LIFR: variants seen among roughly 807,000 people sequenced by gnomAD.
The protein encoded by LIFR is leukemia inhibitory factor receptor.
LIFR carries 84 observed loss-of-function variants against 122.2 expected under a neutral mutation model. The ratio of observed to expected loss-of-function variants is 0.69; its 90% confidence interval spans 0.58 to 0.82. The LOEUF (loss-of-function observed/expected upper bound fraction) is 0.82, where lower values mean the gene tolerates loss of function less well. Ranked by LOEUF, LIFR falls within the 40% of genes least tolerant of loss-of-function variation. The pLI is 0.00. For missense variants in LIFR, 1,294 were observed against 1,311.6 expected, an observed-to-expected ratio of 0.99 and a Z score of 0.21; for synonymous variants, 422 against 434.7, an observed-to-expected ratio of 0.97 and a Z score of 0.36.
At chr5:38,568,116 G>A (rs1749088393) in intron 1 of LIFR, among the ~76,000 whole-genome samples, 1 of 152,190 alleles carries the variant, frequency 6.6e-6, no homozygotes, top group Non-Finnish European at 1.5e-5. Flanking sequence ...CAGTGAAGAT[G>A]ATAAAGTTCT....
chr5:38,520,681 A>G (rs923290144), intron 5 of LIFR, among the ~76,000 whole-genome samples: 1 of 152,162 alleles, frequency 6.6e-6, no homozygotes, highest in Admixed American at 6.5e-5. Flanking sequence ...CCATTTATTG[A>G]AGATGATATC....
At chr5:38,602,753 G>A (rs78117716) in intron 2 of LIFR, among the ~76,000 whole-genome samples, 2 of 152,168 alleles carry the variant, frequency 1.3e-5, no homozygotes, top group Admixed American at 6.5e-5. Context: ...GCAGGAAAAG[G>A]ATCTTCTTCC....
intron 5 of LIFR, among the ~76,000 whole-genome samples, chr5:38,520,177 G>C (rs1024890640): frequency 3.3e-5 from 5 of 152,042 alleles, no homozygotes; most frequent in African/African-American, 9.7e-5. Context: ...ATAGAGGTGA[G>C]CTGATTTGAT....
intron 1 of LIFR, among the ~76,000 whole-genome samples, chr5:38,537,218 A>C: frequency 6.6e-6 from 1 of 152,188 alleles, no homozygotes; most frequent in East Asian, 1.9e-4. Flanking sequence ...CTGTGGGCAC[A>C]GCCCTTCGAG....
rs576419456 is a variant in LIFR, at chr5:38,477,978, C to T, written c.*3617G>A. ...ACAAAAAATTTTATTAGATTATATACCTGAGCAATAGAAAACTTCGAGATA... is the reference window on the plus strand; with the variant it reads ...ACAAAAAATTTTATTAGATTATATATCTGAGCAATAGAAAACTTCGAGATA... On this transcript the variant is annotated 3_prime_UTR_variant, in exon 20 of 20. Transcript: ENST00000453190. The T allele has an allele frequency of 9.5e-6, 2 of 211,582 alleles. No individual in the cohort carries two copies. Among genetic ancestry groups the T allele is most frequent in the South Asian group, 1.9e-4 (1 of 5,322 alleles). 13.1% of individuals were successfully genotyped at this position (211,582 alleles called of 1,614,324 possible). A position where few individuals can be genotyped will look rare whatever the true frequency, so the allele number is the denominator to read the frequency against.
intron 15 of LIFR, among the ~76,000 whole-genome samples, chr5:38,489,930 G>A (rs1744484259): frequency 6.9e-6 from 1 of 144,110 alleles, no homozygotes; most frequent in South Asian, 2.2e-4. Context: ...AGGAGGTTGA[G>A]GCTGAAGAGA....
At chr5:38,595,215 G>T (rs1202665607) in intron 1 of LIFR, 1 of 160,858 alleles carries the variant, frequency 6.2e-6, no homozygotes, top group East Asian at 1.5e-4. Flanking sequence ...GGGGACATGG[G>T]ACACAAAGCC....
At chr5:38,585,256 A>G (rs1749709970) in intron 1 of LIFR, among the ~76,000 whole-genome samples, 1 of 152,230 alleles carries the variant, frequency 6.6e-6, no homozygotes, top group African/African-American at 2.4e-5. Context: ...AATTACATCC[A>G]TTTAATTAGC....
rs572954936 is a variant in LIFR at position 38,517,856 on chromosome 5, C to CAAAAAAAAAAAAAAAAAAAAAAAAA, written c.561+5538_561+5562dup. Among the ~76,000 whole-genome samples, 14 of 15,040 alleles carry CAAAAAAAAAAAAAAAAAAAAAAAAA rather than the reference C, an allele frequency of 9.3e-4. 3 individuals carry two copies. Among genetic ancestry groups the CAAAAAAAAAAAAAAAAAAAAAAAAA allele is most frequent in the Non-Finnish European group, 1.0e-3 (10 of 10,038 alleles). 9.9% of individuals were successfully genotyped at this position (15,040 alleles called of 152,430 possible). A position where few individuals can be genotyped will look rare whatever the true frequency, so the allele number is the denominator to read the frequency against. ...TGTGCAACAGAGCAAGACACTGTCT[C>CAAAAAAAAAAAAAAAAAAAAAAAAA]AAAAAAAAAAAAAAAAAAAAAAAAA... On this transcript the variant is annotated intron_variant, in intron 5 of 19. Coordinates refer to ENST00000453190, the MANE Select transcript of LIFR (RefSeq NM_001127671.2).
intron 6 of LIFR, among the ~76,000 whole-genome samples, chr5:38,511,205 CTTACT>C (rs1008014771): frequency 1.3e-5 from 2 of 152,188 alleles, no homozygotes; most frequent in Middle Eastern, 3.2e-3. Context: ...TAAAAAACAA[CTTACT>C]TTAATCTAGT....
intron 1 of LIFR, among the ~76,000 whole-genome samples, chr5:38,540,460 C>T (rs531275152): frequency 1.3e-5 from 2 of 152,306 alleles, no homozygotes; most frequent in South Asian, 2.1e-4. Context: ...AAAATAACTG[C>T]CATCTTACTG....
Position 38,499,590 on chromosome 5 carries a change from A to T in LIFR, c.1601-7T>A. 1 of 1,596,760 alleles carries T rather than the reference A, an allele frequency of 6.3e-7. No individual in the cohort carries two copies. Among genetic ancestry groups the T allele is most frequent in the African/African-American group, 1.3e-5 (1 of 74,694 alleles). On this transcript the variant is annotated splice_polypyrimidine_tract_variant and splice_region_variant and intron_variant, in intron 11 of 19. Transcript: ENST00000453190. ...TCAGGCCCCTTTGAAGGACCTAAAA[A>T]GGAGATTTTAAAGTTAATATCTGAA... is the stretch of plus-strand genomic sequence containing the variant.
intron 14 of LIFR, among the ~76,000 whole-genome samples, chr5:38,493,405 A>T (rs1441005052): frequency 1.3e-5 from 2 of 152,190 alleles, no homozygotes; most frequent in African/African-American, 4.8e-5. Context: ...ATTATTTCTA[A>T]GAATAAATTT....
At chr5:38,518,729 T>C (rs1346283787) in intron 5 of LIFR, among the ~76,000 whole-genome samples, 1 of 152,226 alleles carries the variant, frequency 6.6e-6, no homozygotes, top group Non-Finnish European at 1.5e-5. Context: ...GTACTCCTTC[T>C]ACATGTTTTT....
rs201043509 is a variant in LIFR, at chr5:38,482,693, A to C, written c.2592-26T>G. The C allele has an allele frequency of 3.8e-5, 36 of 956,362 alleles. No homozygotes were observed. In the African/African-American group the frequency reaches 5.3e-4, roughly 14 times the overall value. The allele number at this position is 956,362 out of a possible 1,614,324, so 59.2% of individuals were successfully genotyped here. On this transcript the variant is annotated intron_variant, in intron 18 of 19. Coordinates refer to ENST00000453190, the MANE Select transcript of LIFR (RefSeq NM_001127671.2). ...CTTTAAATAAAAAATTATTACAGTA[A>C]ATTTAATAGTTTTAAGATTATTAGA...
At chr5:38,491,007 A>C (rs1045823670) in intron 14 of LIFR, among the ~76,000 whole-genome samples, 1 of 152,180 alleles carries the variant, frequency 6.6e-6, no homozygotes, top group African/African-American at 2.4e-5. Flanking sequence ...TGGAAAAAGC[A>C]AACAAACCCA....
At position 38,481,873 on chromosome 5, in the gene LIFR, G is replaced by A; in HGVS notation, c.3016C>T (p.His1006Tyr). The change falls in exon 20 of 20, where the codon CAC (histidine) becomes TAC (tyrosine). Residue 1006 changes from histidine (H) to tyrosine (Y), a missense_variant. Coordinates refer to ENST00000453190, the MANE Select transcript of LIFR (RefSeq NM_001127671.2). ...TCCACAGTAGAATTAATGGGGAGGT[G>A]CATCTGTGGCTTATAGCCTGCCCCT... The part of the protein sequence containing the change: ...VGGAGYKPQM[H>Y]LPINSTVEDI... 1.2e-6 allele frequency: 2 copies of A among 1,614,124 alleles called. No individual in the cohort carries two copies. The highest frequency in any genetic ancestry group is 1.1e-5 in the South Asian group (1 of 91,070).
intron 5 of LIFR, among the ~76,000 whole-genome samples, chr5:38,519,276 C>CTG (rs1425145635): frequency 6.6e-6 from 1 of 152,164 alleles, no homozygotes; most frequent in East Asian, 1.9e-4. Context: ...ACTTTTAGTC[C>CTG]TGCAAGCTCC....
intron 1 of LIFR, among the ~76,000 whole-genome samples, chr5:38,567,900 A>G (rs958260531): frequency 1.3e-5 from 2 of 152,142 alleles, no homozygotes; most frequent in African/African-American, 4.8e-5. Context: ...CTGCCATTCT[A>G]GCTCATTCTC....
Sources: allele counts gnomAD v4.1 joint callset (sites outside exome capture counted in the v4.1 genomes callset), GRCh38; gene constraint gnomAD v4.1.1; transcripts MANE v1.5; gene names NCBI Gene and HGNC (gene_info 2026-07-23, HGNC 2026-07-21).